The following ANK1 variants were observed in gnomAD, a reference collection of about 807,000 sequenced individuals.
The protein encoded by ANK1 is ankyrin 1.
In ANK1, 51 loss-of-function variants were observed where a neutral mutation model predicts 210.4. The ratio of observed to expected loss-of-function variants is 0.24; its 90% CI spans 0.19 to 0.31. The LOEUF (loss-of-function observed/expected upper bound fraction) is 0.31. Ranked by LOEUF, ANK1 falls within the 10% of genes least tolerant of loss-of-function variation. ANK1 has a pLI of 1.00. For synonymous variants in ANK1, 967 were observed against 1,025.9 expected (o/e 0.94, Z 1.10); for missense variants, 2,051 against 2,504.4 (o/e 0.82, Z 3.86).
At chr8:41,732,899 G>A (rs1409936714) in intron 3 of ANK1, among the ~76,000 whole-genome samples, 7 of 151,598 alleles carry the variant, frequency 4.6e-5, no homozygotes, top group East Asian at 1.9e-4. Flanking sequence ...CACCACGCCC[G>A]GCTAATTTTT....
intron 2 of ANK1, among the ~76,000 whole-genome samples, chr8:41,738,089 G>A (rs1833879068): frequency 6.6e-6 from 1 of 152,324 alleles, no homozygotes; most frequent in South Asian, 2.1e-4. Context: ...GAAGAGAAAA[G>A]AGTTGTTCTG....
At chr8:41,679,583 G>T (rs1322656713) in intron 37 of ANK1, among the ~76,000 whole-genome samples, 15 of 48,980 alleles carry the variant, frequency 3.1e-4, no homozygotes, top group South Asian at 7.5e-4. Flanking sequence ...TTTTTTTTGA[G>T]ACAGAGTCTC....
In ANK1 at chr8:41,889,436, A is replaced by G. The variant is rs1253527576; in HGVS notation, c.126+6919T>C. The stretch of plus-strand genomic sequence containing the variant: ...CAAATATCATTGTCAATGCTCGCCA[A>G]TGGATGCAAAAGCAATTGGACATGT... On this transcript the variant is annotated intron_variant, in intron 1 of 42. Transcript: ENST00000265709. Among the ~76,000 whole-genome samples the G allele has an allele frequency of 2.0e-5, 3 of 152,378 alleles. No individual in the cohort carries two copies. In the South Asian group the frequency reaches 6.2e-4, roughly 32 times the overall value.
chr8:41,784,617 A>G (rs1489270390), intron 1 of ANK1, among the ~76,000 whole-genome samples: 2 of 152,224 alleles, frequency 1.3e-5, no homozygotes, highest in African/African-American at 4.8e-5. Flanking sequence ...AAATCTATTC[A>G]GTTAAAGCTT....
intron 1 of ANK1, among the ~76,000 whole-genome samples, chr8:41,814,851 T>C (rs1803076884): frequency 6.6e-6 from 1 of 152,120 alleles, no homozygotes; most frequent in Non-Finnish European, 1.5e-5. Context: ...TATATCCACA[T>C]AACTCAAAGA....
At chr8:41,752,068 G>A (rs1205581986) in intron 2 of ANK1, among the ~76,000 whole-genome samples, 1 of 152,074 alleles carries the variant, frequency 6.6e-6, no homozygotes, top group Non-Finnish European at 1.5e-5. Context: ...GAAACCACAT[G>A]GCGCTCTCCC....
At chr8:41,851,394 G>C (rs759183448) in intron 1 of ANK1, among the ~76,000 whole-genome samples, 41 of 152,348 alleles carry the variant, frequency 2.7e-4, no homozygotes, top group Middle Eastern at 6.8e-3. Context: ...GAATCTACTA[G>C]GTCTAAACCC....
chr8:41,791,210 T>G (rs977704786), intron 1 of ANK1, among the ~76,000 whole-genome samples: 17 of 142,506 alleles, frequency 1.2e-4, no homozygotes, highest in South Asian at 4.9e-4. Flanking sequence ...TTTTTTTTTT[T>G]TTTTTTTTTT....
intron 2 of ANK1, 36 bp downstream of exon 2, chr8:41,758,000 C>G (rs1839557327): frequency 6.4e-7 from 1 of 1,572,302 alleles, no homozygotes; most frequent in African/African-American, 1.3e-5. Flanking sequence ...AAGAGCTACT[C>G]TTCAGAGACA....
intron 22 of ANK1, 99 bp downstream of exon 22, chr8:41,701,451 T>C (rs1225815131): frequency 3.7e-6 from 4 of 1,079,960 alleles, no homozygotes; most frequent in Admixed American, 3.4e-5. Context: ...CTTGGGCGTG[T>C]TGTAAGGGGA....
intron 17 of ANK1, among the ~76,000 whole-genome samples, chr8:41,707,202 C>A (rs1824834019): frequency 6.6e-6 from 1 of 152,264 alleles, no homozygotes; most frequent in African/African-American, 2.4e-5. Context: ...GGACCATATT[C>A]TTGCAGGTGG....
intron 1 of ANK1, among the ~76,000 whole-genome samples, chr8:41,888,201 T>G (rs924398843): frequency 2.6e-5 from 4 of 152,222 alleles, no homozygotes; most frequent in Non-Finnish European, 5.9e-5. Context: ...CAAGAAGGAC[T>G]CACCATCTTC....
At chr8:41,854,338 G>A (rs1054809681) in intron 1 of ANK1, among the ~76,000 whole-genome samples, 1 of 152,162 alleles carries the variant, frequency 6.6e-6, no homozygotes, top group Non-Finnish European at 1.5e-5. Context: ...GACTCTGCTG[G>A]TATCCATCCA....
intron 1 of ANK1, among the ~76,000 whole-genome samples, chr8:41,763,043 A>T (rs147705073): frequency 6.6e-6 from 1 of 152,200 alleles, no homozygotes; most frequent in African/African-American, 2.4e-5. Flanking sequence ...TGGTGAAACC[A>T]CATCTCTATT....
At chr8:41,703,956 A>AGGCC in intron 20 of ANK1, 85 bp downstream of exon 20, 1 of 1,300,302 alleles carries the variant, frequency 7.7e-7, no homozygotes, top group East Asian at 2.3e-5. Flanking sequence ...AGACACGTGC[A>AGGCC]TTAACCTCTA....
chr8:41,703,422 G>GTATATATATATATATATATATATA (rs57077078), intron 20 of ANK1, among the ~76,000 whole-genome samples: 1 of 53,766 alleles, frequency 1.9e-5, no homozygotes, highest in Non-Finnish European at 3.5e-5. Context: ...GTGTGTGTGT[G>GTATATATATATATATATATATATA]TATATATATA....
chr8:41,690,503 G>T lies in ANK1; in HGVS notation c.3955C>A (p.Arg1319=). 1 of 1,614,174 alleles carries T rather than the reference G, an allele frequency of 6.2e-7. No individual in the cohort carries two copies. The highest frequency in any genetic ancestry group is 1.1e-5 in the South Asian group (1 of 91,088). The change falls in exon 32 of 43, where the codon CGG becomes AGG. Residue 1319 remains arginine (R), a synonymous_variant. Coordinates refer to ENST00000289734, the MANE Select transcript of ANK1 (RefSeq NM_000037.4). The part of the protein sequence containing the change: ...QQRSFHFQSF[R]ENRLAMPVKV... ...ACAGGCATGGCCAGACGGTTCTCCC[G>T]AAATGACTGGAAGTGGAAGCTCCGC...
chr8:41,736,724 C>T (rs1052972858), intron 2 of ANK1, among the ~76,000 whole-genome samples: 3 of 152,176 alleles, frequency 2.0e-5, no homozygotes, highest in Non-Finnish European at 2.9e-5. Flanking sequence ...TAATGCTTGC[C>T]GCTAATGCTC....
upstream of ANK1, among the ~76,000 whole-genome samples, chr8:41,797,956 A>G (rs1174081751): frequency 6.6e-6 from 1 of 151,438 alleles, no homozygotes; most frequent in Admixed American, 6.6e-5. This position sits in a 1 kb window ranked among gnomAD's most constrained non-coding sequence, Gnocchi z 4.0. Flanking sequence ...CTGCTTGTCT[A>G]AAAGTCGCTG....
Sources: allele counts gnomAD v4.1 joint callset (sites outside exome capture counted in the v4.1 genomes callset), GRCh38; gene constraint gnomAD v4.1.1; non-coding constraint Gnocchi (gnomAD v3.1); transcripts MANE v1.5; gene names NCBI Gene and HGNC (gene_info 2026-07-23, HGNC 2026-07-21).